NUDCD1: variants seen among roughly 807,000 people sequenced by gnomAD.
NUDCD1 encodes the protein NudC domain containing 1.
In NUDCD1, 60 loss-of-function variants were observed where a neutral mutation model predicts 67.8. The observed-to-expected ratio is 0.88, with a 90% CI of 0.72 to 1.10. NUDCD1 has a LOEUF of 1.10. Among genes scored for constraint, NUDCD1 ranks in the 50% least tolerant of loss-of-function variants. The pLI, the probability that NUDCD1 is intolerant of heterozygous loss-of-function variation, is 0.00. For missense variants in NUDCD1, 643 were observed against 695.0 expected (o/e 0.93, Z 0.84); for synonymous variants, 244 against 230.8 (o/e 1.06, Z -0.52).
intron 5 of NUDCD1, among the ~76,000 whole-genome samples, chr8:109,287,598 T>C (rs543342659): frequency 2.0e-5 from 3 of 152,152 alleles, no homozygotes; most frequent in African/African-American, 7.2e-5. Flanking sequence ...TGGGTACTCA[T>C]GGACATAAAG....
chr8:109,274,846 TGA>T (rs1187940510), intron 7 of NUDCD1, among the ~76,000 whole-genome samples: 1 of 152,182 alleles, frequency 6.6e-6, no homozygotes, highest in Non-Finnish European at 1.5e-5. Context: ...TTACACGTCA[TGA>T]GAGTGGGAAT....
Position 109,322,435 on chromosome 8 carries a change from A to T in NUDCD1, c.147T>A (p.Asp49Glu), listed in dbSNP as rs372092076. The T allele has an allele frequency of 1.3e-6, 2 of 1,596,988 alleles. No homozygotes were observed. Among genetic ancestry groups the T allele is most frequent in the Non-Finnish European group, 1.7e-6 (2 of 1,168,498 alleles). ...AAVAEVKLRD[D>E]QYTLEHMHAF... The stretch of plus-strand genomic sequence containing the variant: ...CATGCATGTGTTCCAGTGTATATTG[A>T]TCATCTCGAAGTTTTACCTCTGCCA... The change falls in exon 2 of 10, where the codon GAT becomes GAA. Residue 49 changes from aspartate (D) to glutamate (E), a missense_variant. Transcript: ENST00000239690.
intron 8 of NUDCD1, among the ~76,000 whole-genome samples, chr8:109,246,735 C>G (rs1018390470): frequency 2.6e-5 from 4 of 152,070 alleles, no homozygotes; most frequent in African/African-American, 9.7e-5. Context: ...AAAATCACAT[C>G]AAATGTAGAA....
At chr8:109,269,343 C>T (rs1402514197) in intron 8 of NUDCD1, among the ~76,000 whole-genome samples, 1 of 152,130 alleles carries the variant, frequency 6.6e-6, no homozygotes, top group East Asian at 1.9e-4. Flanking sequence ...CTATGCCATT[C>T]CACCTCATTT....
At chr8:109,333,304 T>C (rs950949278) in intron 1 of NUDCD1, among the ~76,000 whole-genome samples, 1 of 152,194 alleles carries the variant, frequency 6.6e-6, no homozygotes, top group Non-Finnish European at 1.5e-5. Context: ...AAGGATATTC[T>C]ACCAGCTACA....
intron 8 of NUDCD1, among the ~76,000 whole-genome samples, chr8:109,257,637 T>A (rs1427351905): frequency 6.6e-6 from 1 of 151,828 alleles, no homozygotes; most frequent in Admixed American, 6.6e-5. Flanking sequence ...GAAAAAAAAA[T>A]CAAGACTAAC....
chr8:109,280,912 TA>T, intron 6 of NUDCD1, 55 bp downstream of exon 6: 1 of 847,772 alleles, frequency 1.2e-6, no homozygotes, highest in Non-Finnish European at 1.8e-6. Context: ...GTGGAAAGAG[TA>T]AAAAGAAAAG....
chr8:109,246,103 C>G (rs751280046), intron 8 of NUDCD1, among the ~76,000 whole-genome samples: 1 of 152,230 alleles, frequency 6.6e-6, no homozygotes, highest in African/African-American at 2.4e-5. Context: ...CAAGCCCCCA[C>G]AGGCCCATGG....
chr8:109,249,119 C>CT (rs1813566414), intron 8 of NUDCD1, among the ~76,000 whole-genome samples: 1 of 152,204 alleles, frequency 6.6e-6, no homozygotes, highest in African/African-American at 2.4e-5. Flanking sequence ...TTTTATTCCC[C>CT]TTATAAATAT....
At chr8:109,318,887 G>T (rs983813135) in intron 2 of NUDCD1, among the ~76,000 whole-genome samples, 1 of 151,676 alleles carries the variant, frequency 6.6e-6, no homozygotes, top group African/African-American at 2.4e-5. Flanking sequence ...CTTCTGCTGG[G>T]TGCTAGAACC....
chr8:109,322,203 T>C (rs1815556590), intron 2 of NUDCD1, 106 bp downstream of exon 2: 4 of 550,230 alleles, frequency 7.3e-6, no homozygotes, highest in Non-Finnish European at 1.3e-5. Context: ...ACTACAGGTA[T>C]GTGCACCTCA....
chr8:109,313,528 C>T (rs1815309166), intron 2 of NUDCD1, among the ~76,000 whole-genome samples: 1 of 152,056 alleles, frequency 6.6e-6, no homozygotes, highest in Admixed American at 6.6e-5. Flanking sequence ...AAATTTTCCC[C>T]TTTTGCTTCA....
rs377697546 is a variant in NUDCD1, at chr8:109,275,335, C to T, written c.1173+17G>A. 3.7e-6 allele frequency: 6 copies of T among 1,608,504 alleles called. No individual in the cohort carries two copies. Among genetic ancestry groups the T allele is most frequent in the African/African-American group, 2.7e-5 (2 of 74,696 alleles). ...TTTGGACCCTTGGAAAGTCACACTA[C>T]TATTCCAACTACTTACCAGTTCTTC... On this transcript the variant is annotated intron_variant, in intron 7 of 9. Transcript: ENST00000239690.
intron 6 of NUDCD1, among the ~76,000 whole-genome samples, chr8:109,276,685 C>G (rs1814297088): frequency 6.6e-6 from 1 of 152,194 alleles, no homozygotes; most frequent in South Asian, 2.1e-4. Context: ...GAGACAGAGT[C>G]TCACTCTCTT....
At chr8:109,273,157 G>C (rs933740537) in intron 7 of NUDCD1, among the ~76,000 whole-genome samples, 1 of 152,116 alleles carries the variant, frequency 6.6e-6, no homozygotes, top group Admixed American at 6.6e-5. Flanking sequence ...CAAGCGGAAA[G>C]CAGCAAATAA....
At chr8:109,294,278 A>G (rs995502694) in intron 3 of NUDCD1, among the ~76,000 whole-genome samples, 84 of 152,242 alleles carry the variant, frequency 5.5e-4, no homozygotes, top group African/African-American at 1.9e-3. Flanking sequence ...GTATCCCCAC[A>G]TATCTACTTC....
chr8:109,289,894 C>T lies in NUDCD1; in HGVS notation c.680G>A (p.Arg227His), dbSNP rs777091704. The T allele has an allele frequency of 1.4e-5, 21 of 1,529,788 alleles. No homozygotes were observed. Among genetic ancestry groups the T allele is most frequent in the Non-Finnish European group, 1.7e-5 (19 of 1,142,418 alleles). The allele number at this position is 1,529,788 out of a possible 1,614,324, so 94.8% of individuals were successfully genotyped here. The change falls in exon 5 of 10, where the codon CGT (arginine) becomes CAT (histidine). Residue 227 changes from arginine to histidine, a missense_variant. Coordinates refer to ENST00000239690, the MANE Select transcript of NUDCD1 (RefSeq NM_032869.4). Reference sequence around the variant, plus strand: ...AGCATAATGTGGCACTGACTTTCCACGGAGAATATCACGCTTAATAATTTC... The same window carrying T: ...AGCATAATGTGGCACTGACTTTCCATGGAGAATATCACGCTTAATAATTTC... The part of the protein sequence containing the change: ...KYEIIKRDIL[R>H]GKSVPHYAAI...
At chr8:109,316,711 C>T (rs1421480035) in intron 2 of NUDCD1, among the ~76,000 whole-genome samples, 1 of 151,974 alleles carries the variant, frequency 6.6e-6, no homozygotes, top group African/African-American at 2.4e-5. Context: ...CTTCTGTATC[C>T]CAGGTACAAA....
chr8:109,304,770 G>A (rs947431552), intron 2 of NUDCD1, among the ~76,000 whole-genome samples: 1 of 152,162 alleles, frequency 6.6e-6, no homozygotes, highest in Non-Finnish European at 1.5e-5. Context: ...ATCGCTCAGG[G>A]TAACGCTTAT....
Sources: gnomAD v4.1 joint callset for allele counts (sites outside exome capture counted in the v4.1 genomes callset) on GRCh38, gnomAD v4.1.1 for gene constraint, MANE v1.5 for transcripts, NCBI Gene and HGNC (gene_info 2026-07-23, HGNC 2026-07-21) for gene names.